The following ZSCAN32 variants were observed in gnomAD, a reference collection of about 807,000 sequenced individuals.
The protein encoded by ZSCAN32 is zinc finger and SCAN domain-containing protein 32.
A neutral mutation model predicts 47.4 loss-of-function variants in ZSCAN32; 52 were observed. The ratio of observed to expected loss-of-function variants is 1.10; its 90% CI spans 0.88 to 1.38. The LOEUF is 1.38. Among genes scored for constraint, ZSCAN32 ranks in the 40% most tolerant of loss-of-function variants. The pLI is 0.00. For missense variants in ZSCAN32, 959 were observed against 846.0 expected (o/e 1.13, Z -1.66); for synonymous variants, 346 against 305.7 (o/e 1.13, Z -1.38).
intron 3 of ZSCAN32, among the ~76,000 whole-genome samples, chr16:3,393,202 T>TTGTATATATATATAAATATA (rs1555474304): frequency 4.3e-5 from 1 of 23,242 alleles, no homozygotes; most frequent in Non-Finnish European, 6.9e-5. Context: ...ATATATATAT[T>TTGTATATATATATAAATATA]TATATTTATA....
At position 3,384,595 on chromosome 16, in the gene ZSCAN32, C is replaced by A; in HGVS notation, c.1098G>T (p.Leu366=). The A allele has an allele frequency of 6.2e-7, 1 of 1,614,180 alleles. No homozygotes were observed. Among genetic ancestry groups the A allele is most frequent in the Non-Finnish European group, 8.5e-7 (1 of 1,180,026 alleles). Residue 366 remains leucine (L), a synonymous_variant, in exon 6 of 7, where the codon CTG becomes CTT. Coordinates refer to ENST00000396852, the MANE Select transcript of ZSCAN32 (RefSeq NM_001284527.2). ...CCGTGGGTTCCCCATTCTGGTGATT[C>A]AGCTCTCCAGCCTCAATATCACTTC... is the stretch of plus-strand genomic sequence containing the variant. ...QEGSDIEAGE[L]NHQNGEPTEV...
Position 3,384,732 on chromosome 16 carries a change from T to C in ZSCAN32, c.961A>G (p.Arg321Gly), listed in dbSNP as rs1327600162. 6.2e-7 allele frequency: 1 copy of C among 1,614,120 alleles called. No individual in the cohort carries two copies. Among genetic ancestry groups the C allele is most frequent in the Non-Finnish European group, 8.5e-7 (1 of 1,180,058 alleles). The change falls in exon 6 of 7, where the codon AGG (arginine) becomes GGG (glycine). Residue 321 changes from arginine (R) to glycine (G), a missense_variant. By Grantham distance (125) the Arg-to-Gly change is moderately radical. Coordinates refer to ENST00000396852, the MANE Select transcript of ZSCAN32 (RefSeq NM_001284527.2). ...KSLQLSYRKV[R>G]RGRVPEPCIF... The stretch of plus-strand genomic sequence containing the variant: ...CAAGGCTCAGGCACACGGCCTCTCC[T>C]CACTTTGCGGTAACTCAACTGTAGG...
At position 3,384,572 on chromosome 16, in the gene ZSCAN32, G is replaced by A. The variant is rs535151998; in HGVS notation, c.1121C>T (p.Thr374Met). The A allele has an allele frequency of 1.7e-5, 28 of 1,614,104 alleles. No homozygotes were observed. Among genetic ancestry groups the A allele is most frequent in the South Asian group, 2.2e-5 (2 of 91,090 alleles). Reference sequence around the variant, plus strand: ...ATCCACAGTGCCATCTTCTACCTCCGTGGGTTCCCCATTCTGGTGATTCAG... The same window carrying A: ...ATCCACAGTGCCATCTTCTACCTCCATGGGTTCCCCATTCTGGTGATTCAG... ...GELNHQNGEP[T>M]EVEDGTVDGA... The change falls in exon 6 of 7, where the codon ACG becomes ATG. Residue 374 changes from threonine (T) to methionine (M), a missense_variant. Physicochemically the swap from Thr to Met is moderately conservative, Grantham distance 81 (BLOSUM62 -1). Transcript: ENST00000396852.
chr16:3,383,064 T>C lies in ZSCAN32; in HGVS notation c.1882A>G (p.Thr628Ala). The C allele has an allele frequency of 6.2e-7, 1 of 1,614,198 alleles. No homozygotes were observed. Among genetic ancestry groups the C allele is most frequent in the Non-Finnish European group, 8.5e-7 (1 of 1,180,036 alleles). ...SQFSAHRRIH[T>A]GESPYKCAVC... is the part of the protein sequence containing the mutation. ...GCACACTTGTATGGGCTCTCCCCAG[T>C]GTGGATGCGCCGGTGAGCACTGAAC... The change falls in exon 7 of 7, where the codon ACT (threonine) becomes GCT (alanine). Residue 628 changes from threonine (T) to alanine (A), a missense_variant. Transcript: ENST00000396852.
Position 3,382,675 on chromosome 16 carries a change from G to T in ZSCAN32, c.*177C>A. 1 of 882,606 alleles carries T rather than the reference G, an allele frequency of 1.1e-6. No individual in the cohort carries two copies. 54.7% of individuals were successfully genotyped at this position (882,606 alleles called of 1,614,324 possible). A position where few individuals can be genotyped will look rare whatever the true frequency, so the allele number is the denominator to read the frequency against. ...AGTAAGATAGGACTCTGGAGTCACA[G>T]GCACAGCCAGGAGAGGTCAGCGTCC... On this transcript the variant is annotated 3_prime_UTR_variant, in exon 7 of 7. Coordinates refer to ENST00000396852, the MANE Select transcript of ZSCAN32 (RefSeq NM_001284527.2).
chr16:3,385,130 C>A (rs2031803520), intron 5 of ZSCAN32, among the ~76,000 whole-genome samples, 189 bp from the exon 6 acceptor site: 1 of 152,148 alleles, frequency 6.6e-6, no homozygotes, highest in African/African-American at 2.4e-5. Context: ...CGAGACCATC[C>A]TGGCCAACAT....
At chr16:3,389,361 C>T (rs1226840545) in intron 5 of ZSCAN32, among the ~76,000 whole-genome samples, 1 of 152,164 alleles carries the variant, frequency 6.6e-6, no homozygotes, top group African/African-American at 2.4e-5. Context: ...GCCAGGAGTA[C>T]CCTGCATGTG....
Position 3,397,363 on chromosome 16 carries a change from C to T in ZSCAN32, c.195G>A (p.Trp65Ter), listed in dbSNP as rs1186450438. 4 of 1,556,976 alleles carry T rather than the reference C, an allele frequency of 2.6e-6. No homozygotes were observed. The highest frequency in any genetic ancestry group is 3.5e-6 in the Non-Finnish European group (4 of 1,150,698). The change falls in exon 2 of 7, where the codon TGG (tryptophan) becomes TGA (stop). Residue 65 changes from tryptophan (W) to a stop codon, truncating the protein, a stop_gained. Coordinates refer to ENST00000396852, the MANE Select transcript of ZSCAN32 (RefSeq NM_001284527.2). LOFTEE classifies it high-confidence loss of function. ...CTTTTGAGTGGGTCTTCGGCCTCAG[C>T]CACTGACAACAGAGTTCCCAGAGTT... ...FSKLWELCCQ[W>*]LRPKTHSKEE...
At chr16:3,397,020 G>A (rs1219545236) in intron 2 of ZSCAN32, among the ~76,000 whole-genome samples, 172 bp downstream of exon 2, 1 of 152,154 alleles carries the variant, frequency 6.6e-6, no homozygotes, top group African/African-American at 2.4e-5. Context: ...TGTATCCACA[G>A]ATGAGAAATT....
intron 5 of ZSCAN32, among the ~76,000 whole-genome samples, chr16:3,388,350 T>C (rs528115461): frequency 6.6e-5 from 10 of 152,214 alleles, no homozygotes; most frequent in Non-Finnish European, 1.2e-4. Flanking sequence ...AGCAAGTCTT[T>C]TCAAATGTCA....
intron 5 of ZSCAN32, among the ~76,000 whole-genome samples, 173 bp downstream of exon 5, chr16:3,389,837 T>C (rs1368847226): frequency 6.6e-6 from 1 of 152,166 alleles, no homozygotes; most frequent in African/African-American, 2.4e-5. Flanking sequence ...TGCCCCTTTC[T>C]TTTGATCTCT....
Position 3,383,105 on chromosome 16 carries a change from A to C in ZSCAN32, c.1841T>G (p.Phe614Cys), listed in dbSNP as rs2031436652. The change falls in exon 7 of 7, where the codon TTC (phenylalanine) becomes TGC (cysteine). Residue 614 changes from phenylalanine (F) to cysteine (C), a missense_variant. By Grantham distance (205) the Phe-to-Cys change is radical. Coordinates refer to ENST00000396852, the MANE Select transcript of ZSCAN32 (RefSeq NM_001284527.2). ...PYQCIVCGKR[F>C]NNSSQFSAHR... ...AGCACTGAACTGGGAACTGTTGTTG[A>C]ATCTCTTTCCACAGACAATGCACTG... The C allele has an allele frequency of 1.9e-6, 3 of 1,614,008 alleles. No individual in the cohort carries two copies.
rs369309100 is a variant in ZSCAN32, at chr16:3,383,561, C to T, written c.1385G>A (p.Arg462Lys). Residue 462 changes from arginine to lysine, a missense_variant, in exon 7 of 7, where the codon AGA becomes AAA. Transcript: ENST00000396852. ...CCCTGGAGAATTTCTACATTGCCTT[C>T]TTGATGTTGGCTCACTCTCCAAGCC... is the stretch of plus-strand genomic sequence containing the variant. ...QKGLESEPTS[R>K]RQCRNSPGES... is the part of the protein sequence containing the mutation. 6.8e-6 allele frequency: 11 copies of T among 1,613,988 alleles called. No homozygotes were observed. The highest frequency in any genetic ancestry group is 1.3e-5 in the African/African-American group (1 of 74,930).
Position 3,390,488 on chromosome 16 carries a change from G to A in ZSCAN32, c.562C>T (p.Leu188=), listed in dbSNP as rs1367499940. The change falls in exon 4 of 7, where the codon CTG becomes TTG. Residue 188 remains leucine, a synonymous_variant. Transcript: ENST00000396852. ...AWLAPQAPRN[L]PQNTGLHDQE... is the part of the protein sequence containing the mutation. ...TCGTGGAGACCTGTGTTTTGAGGCA[G>A]GTTCCTGGGAGCCTGAGGAGCAAGC... is the stretch of plus-strand genomic sequence containing the variant. 3.9e-6 allele frequency: 6 copies of A among 1,549,384 alleles called. No individual in the cohort carries two copies. The Admixed American group carries it at 9.8e-5, about 25-fold the overall frequency.
At chr16:3,389,455 G>A (rs2032404546) in intron 5 of ZSCAN32, among the ~76,000 whole-genome samples, 1 of 152,180 alleles carries the variant, frequency 6.6e-6, no homozygotes, top group Non-Finnish European at 1.5e-5. Flanking sequence ...CTCTGAGGAG[G>A]AGGCATTTGG....
chr16:3,392,211 GC>G (rs2032788903), intron 3 of ZSCAN32, among the ~76,000 whole-genome samples: 1 of 152,178 alleles, frequency 6.6e-6, no homozygotes, highest in Non-Finnish European at 1.5e-5. Context: ...AGAATGGGGA[GC>G]AACTGTTTAA....
At chr16:3,395,666 G>T (rs184433201) in intron 2 of ZSCAN32, among the ~76,000 whole-genome samples, 3 of 152,102 alleles carry the variant, frequency 2.0e-5, no homozygotes, top group African/African-American at 7.2e-5. Context: ...GTTTCAAATA[G>T]GTGTTTAACC....
intron 2 of ZSCAN32, among the ~76,000 whole-genome samples, 155 bp from the exon 3 acceptor site, chr16:3,393,969 T>C (rs1455096533): frequency 6.6e-6 from 1 of 152,036 alleles, no homozygotes; most frequent in Non-Finnish European, 1.5e-5. Flanking sequence ...TAAAAATTAA[T>C]AGAATTAGGT....
Position 3,390,414 on chromosome 16 carries a change from A to T in ZSCAN32, c.627+9T>A. The T allele has an allele frequency of 6.5e-7, 1 of 1,546,650 alleles. No individual in the cohort carries two copies. The highest frequency in any genetic ancestry group is 2.5e-5 in the East Asian group (1 of 40,816). On this transcript the variant is annotated intron_variant, in intron 4 of 6. Transcript: ENST00000396852. ...ACTCAAGAGACAGAAGGCATCAACC[A>T]CAGCTCACCTGGGACCCAGCTGTCC...
Sources: allele counts gnomAD v4.1 joint callset (sites outside exome capture counted in the v4.1 genomes callset), GRCh38; gene constraint gnomAD v4.1.1; transcripts MANE v1.5; gene names NCBI Gene and HGNC (gene_info 2026-07-23, HGNC 2026-07-21).